Variants in ZNF521 observed in about 807,000 individuals in gnomAD.
The protein encoded by ZNF521 is zinc finger protein 521, also known as LYST-interacting protein 3.
In ZNF521, 14 loss-of-function variants were observed where a neutral mutation model predicts 105.5. That is an observed-to-expected ratio of 0.13 (90% CI 0.09 to 0.21). The LOEUF is 0.21. ZNF521 is among the 10% of genes least tolerant of loss of function. ZNF521 has a pLI of 1.00. For synonymous variants in ZNF521, 635 were observed against 606.0 expected (o/e 1.05, Z -0.70); for missense variants, 1,233 against 1,629.7 (o/e 0.76, Z 4.19).
chr18:25,193,400 T>C (rs2035851520), intron 5 of ZNF521, among the ~76,000 whole-genome samples: 1 of 151,988 alleles, frequency 6.6e-6, no homozygotes, highest in East Asian at 1.9e-4. Context: ...AAGTTTACAT[T>C]GAATAGAACT....
chr18:25,271,747 C>T (rs1363764159), intron 3 of ZNF521, among the ~76,000 whole-genome samples: 1 of 152,180 alleles, frequency 6.6e-6, no homozygotes, highest in Admixed American at 6.5e-5. Context: ...CCCTGCCTTA[C>T]ACCTTATACA....
intron 5 of ZNF521, among the ~76,000 whole-genome samples, chr18:25,123,068 G>C (rs2034472864): frequency 6.6e-6 from 1 of 151,748 alleles, no homozygotes; most frequent in South Asian, 2.1e-4. Flanking sequence ...ATATAAACTA[G>C]ACATTCCTCT....
At chr18:25,238,759 G>C (rs1907103326) in intron 3 of ZNF521, among the ~76,000 whole-genome samples, 1 of 152,140 alleles carries the variant, frequency 6.6e-6, no homozygotes, top group African/African-American at 2.4e-5. Context: ...ACACAGGGCA[G>C]CATTTCTTAG....
At chr18:25,313,565 A>G (rs977601214) in intron 3 of ZNF521, among the ~76,000 whole-genome samples, 32 of 152,236 alleles carry the variant, frequency 2.1e-4, no homozygotes, top group Non-Finnish European at 5.9e-5. Flanking sequence ...CCCACCACTG[A>G]TAACAACCTC....
rs138669865 is a variant in ZNF521, at chr18:25,154,457, T to C, written c.3658+40703A>G. ...CTGATGGGATGGTTCTAAGGAACCA[T>C]CAGGTAGGGGTGAAGGAAAAGAGGC... On this transcript the variant is annotated intron_variant, in intron 5 of 7. Transcript: ENST00000361524. 3.9e-4 allele frequency among the ~76,000 whole-genome samples: 60 copies of C among 152,212 alleles called. No homozygotes were observed. In the East Asian group the frequency reaches 0.01, roughly 26 times the overall value.
At chr18:25,153,487 C>T (rs2035085179) in intron 5 of ZNF521, among the ~76,000 whole-genome samples, 2 of 152,130 alleles carry the variant, frequency 1.3e-5, no homozygotes, top group African/African-American at 4.8e-5. Flanking sequence ...TTTTATGGGG[C>T]CTGGCTACTG....
intron 3 of ZNF521, among the ~76,000 whole-genome samples, chr18:25,273,856 T>C (rs1012289043): frequency 1.3e-5 from 2 of 152,144 alleles, no homozygotes; most frequent in Non-Finnish European, 2.9e-5. Flanking sequence ...TAATTTGGGG[T>C]TAGGATAAGT....
intron 3 of ZNF521, among the ~76,000 whole-genome samples, chr18:25,254,779 T>C (rs1419815450): frequency 6.6e-6 from 1 of 152,150 alleles, no homozygotes; most frequent in Non-Finnish European, 1.5e-5. Flanking sequence ...ATGTAGCTTG[T>C]TTGATTACAG....
intron 3 of ZNF521, among the ~76,000 whole-genome samples, chr18:25,257,692 T>C (rs1370684596): frequency 1.3e-5 from 2 of 152,142 alleles, no homozygotes; most frequent in Admixed American, 1.3e-4. Context: ...TGAAACCTCC[T>C]CTTCATTTTC....
chr18:25,146,887 C>T (rs1392614452), intron 5 of ZNF521, among the ~76,000 whole-genome samples: 1 of 152,012 alleles, frequency 6.6e-6, no homozygotes, highest in Non-Finnish European at 1.5e-5. Context: ...GTATAAATAT[C>T]CTATGCTCCT....
intron 2 of ZNF521, among the ~76,000 whole-genome samples, chr18:25,333,318 A>C (rs5020685): frequency 0.28 from 28,859 of 104,752 alleles, 4,308 homozygotes; most frequent in African/African-American, 0.51. Context: ...CTCTCTCTAT[A>C]TATATATATA....
chr18:25,336,892 C>G (rs1001409753), intron 2 of ZNF521, among the ~76,000 whole-genome samples: 2 of 152,182 alleles, frequency 1.3e-5, no homozygotes, highest in African/African-American at 4.8e-5. Flanking sequence ...TCATATCTAC[C>G]AGACACTATT....
intron 5 of ZNF521, among the ~76,000 whole-genome samples, chr18:25,104,867 T>C (rs548153756): frequency 2.0e-5 from 3 of 152,318 alleles, no homozygotes; most frequent in African/African-American, 7.2e-5. Context: ...AATTTCAGCA[T>C]ATTTTCAGCC....
intron 5 of ZNF521, among the ~76,000 whole-genome samples, chr18:25,162,548 A>G (rs768311797): frequency 6.6e-5 from 10 of 152,228 alleles, no homozygotes; most frequent in Non-Finnish European, 1.3e-4. Context: ...GCATGCCAAT[A>G]CATTTTTAAA....
intron 2 of ZNF521, among the ~76,000 whole-genome samples, chr18:25,335,316 G>A (rs1301090816): frequency 1.3e-5 from 2 of 152,132 alleles, no homozygotes; most frequent in Non-Finnish European, 2.9e-5. Context: ...CCTGGAATAC[G>A]TAACTTAAGG....
chr18:25,101,552 C>G (rs1287058670), intron 5 of ZNF521, among the ~76,000 whole-genome samples: 2 of 151,840 alleles, frequency 1.3e-5, no homozygotes, highest in Non-Finnish European at 1.5e-5. Context: ...TAAATAAATT[C>G]TAGGAAGGAA....
chr18:25,084,168 A>AGAAGGGCTGGGTATTAAGATAATCT (rs1555632372), intron 7 of ZNF521, among the ~76,000 whole-genome samples: 2 of 151,170 alleles, frequency 1.3e-5, no homozygotes, highest in Non-Finnish European at 3.0e-5. Context: ...AATTCTGACT[A>AGAAGGGCTGGGTATTAAGATAATCT]TTAACAAGGA....
At chr18:25,218,683 CAAAAAA>C (rs111983593) in intron 4 of ZNF521, among the ~76,000 whole-genome samples, 1 of 105,038 alleles carries the variant, frequency 9.5e-6, no homozygotes, top group African/African-American at 3.2e-5. Flanking sequence ...CTAAAAATTA[CAAAAAA>C]AAAAAAAAAT....
At chr18:25,167,375 T>C (rs2035362292) in intron 5 of ZNF521, among the ~76,000 whole-genome samples, 1 of 152,182 alleles carries the variant, frequency 6.6e-6, no homozygotes, top group African/African-American at 2.4e-5. Context: ...GGTATCAGTA[T>C]TAATACTAAT....
Sources: allele counts gnomAD v4.1 joint callset (sites outside exome capture counted in the v4.1 genomes callset), GRCh38; gene constraint gnomAD v4.1.1; transcripts MANE v1.5; gene names NCBI Gene and HGNC (gene_info 2026-07-23, HGNC 2026-07-21).